The following CFAP299 variants were observed in gnomAD, a reference collection of about 807,000 sequenced individuals.
CFAP299 encodes the protein cilia and flagella associated protein 299.
Under a neutral mutation model 27.0 loss-of-function variants are expected in CFAP299, and 21 were observed. The observed-to-expected ratio is 0.78, with a 90% CI of 0.55 to 1.12. CFAP299 has a LOEUF of 1.12. Ranked by LOEUF, CFAP299 falls within the 50% of genes most tolerant of loss-of-function variation. CFAP299 has a pLI of 0.00. For synonymous variants in CFAP299, 104 were observed against 98.1 expected, an observed-to-expected ratio of 1.06 and a Z score of -0.36; for missense variants, 310 against 276.6, an observed-to-expected ratio of 1.12 and a Z score of -0.86.
upstream of CFAP299, among the ~76,000 whole-genome samples, chr4:80,333,717 C>G (rs542453871): frequency 4.6e-5 from 7 of 152,158 alleles, no homozygotes; most frequent in African/African-American, 1.7e-4. Flanking sequence ...TATACTAATC[C>G]TTCTTTGTCC....
intron 2 of CFAP299, among the ~76,000 whole-genome samples, chr4:80,478,420 A>G (rs28463662): frequency 0.2 from 31,116 of 152,092 alleles, 3,338 homozygotes; most frequent in South Asian, 0.29. Flanking sequence ...AAATTTAAAA[A>G]TTCTTTTTTG....
chr4:80,682,929 A>C (rs1428756673), intron 3 of CFAP299, among the ~76,000 whole-genome samples: 3 of 152,096 alleles, frequency 2.0e-5, no homozygotes, highest in African/African-American at 4.8e-5. Context: ...CAAGCACGGA[A>C]CCCTGAGGTC....
chr4:80,545,124 A>T (rs1734164880), intron 2 of CFAP299, among the ~76,000 whole-genome samples: 1 of 152,216 alleles, frequency 6.6e-6, no homozygotes, highest in South Asian at 2.1e-4. Context: ...AAGAAAATTA[A>T]CACAGAAATC....
At chr4:80,885,429 C>T (rs1433923792) in intron 4 of CFAP299, among the ~76,000 whole-genome samples, 2 of 152,168 alleles carry the variant, frequency 1.3e-5, no homozygotes, top group African/African-American at 4.8e-5. Flanking sequence ...TATCCTAATC[C>T]TGGGCAGTGC....
chr4:80,619,991 A>T (rs950324875), intron 3 of CFAP299, among the ~76,000 whole-genome samples: 1 of 152,134 alleles, frequency 6.6e-6, no homozygotes, highest in African/African-American at 2.4e-5. Flanking sequence ...ATCAATAATC[A>T]TAAGCATTGA....
At chr4:80,714,788 G>A (rs1722381598) in intron 3 of CFAP299, among the ~76,000 whole-genome samples, 1 of 152,012 alleles carries the variant, frequency 6.6e-6, no homozygotes, top group African/African-American at 2.4e-5. Flanking sequence ...GAAAAGAGAT[G>A]GAGTTTTGAG....
chr4:80,364,087 A>AG, intron 2 of CFAP299, among the ~76,000 whole-genome samples: 1 of 1,444 alleles, frequency 6.9e-4, no homozygotes, highest in Admixed American at 6.5e-3. Context: ...ACTCCGTCTC[A>AG]AAACACACAC....
intron 4 of CFAP299, among the ~76,000 whole-genome samples, chr4:80,891,830 G>GAAAAA (rs35425830): frequency 1.7e-4 from 9 of 53,990 alleles, no homozygotes; most frequent in East Asian, 1.1e-3. Context: ...TAGATTAAAG[G>GAAAAA]AAAAAAAAAA....
rs369674893 is a variant in CFAP299 at position 80,541,742 on chromosome 4, G to A, written c.243-41351G>A. On this transcript the variant is annotated intron_variant, in intron 2 of 5. Coordinates refer to ENST00000358105, the MANE Select transcript of CFAP299 (RefSeq NM_152770.3). ...GCTCTCACTAGATTCAGCTTAGTGA[G>A]GAGAATAGACATTTAATAATTAAAC... Among the ~76,000 whole-genome samples, 10 of 152,238 alleles carry A rather than the reference G, an allele frequency of 6.6e-5. 1 individual carries two copies. Among genetic ancestry groups the A allele is most frequent in the African/African-American group, 2.4e-4 (10 of 41,542 alleles).
intron 3 of CFAP299, among the ~76,000 whole-genome samples, chr4:80,665,615 A>T (rs760596313): frequency 6.6e-6 from 1 of 152,156 alleles, no homozygotes; most frequent in East Asian, 1.9e-4. Flanking sequence ...CTAACTTGAG[A>T]TATTTTCATA....
At chr4:80,418,684 T>G (rs1359381829) in intron 2 of CFAP299, among the ~76,000 whole-genome samples, 3 of 152,036 alleles carry the variant, frequency 2.0e-5, no homozygotes, top group African/African-American at 7.2e-5. Flanking sequence ...AGCACCATTC[T>G]ACTCTCTGCT....
At chr4:80,638,960 A>C (rs984594520) in intron 3 of CFAP299, among the ~76,000 whole-genome samples, 3 of 152,140 alleles carry the variant, frequency 2.0e-5, no homozygotes, top group African/African-American at 7.2e-5. Flanking sequence ...TAGCTTTCAG[A>C]CTGCCACCTT....
intron 3 of CFAP299, 129 bp downstream of exon 3, chr4:80,583,312 T>A: frequency 2.1e-6 from 1 of 478,148 alleles, no homozygotes; most frequent in Non-Finnish European, 3.6e-6. Context: ...CTTTATTAAT[T>A]ATATATTATA....
At chr4:80,370,914 C>T (rs1724113888) in intron 2 of CFAP299, among the ~76,000 whole-genome samples, 1 of 152,258 alleles carries the variant, frequency 6.6e-6, no homozygotes, top group Admixed American at 6.5e-5. Context: ...AGTGGGGCCT[C>T]TGTGTGAGAG....
At chr4:80,389,357 C>T (rs529442718) in intron 2 of CFAP299, among the ~76,000 whole-genome samples, 160 of 152,150 alleles carry the variant, frequency 1.1e-3, no homozygotes, top group African/African-American at 3.5e-3. Context: ...TTAGTCTTTC[C>T]GAAGTCCCAT....
At chr4:80,810,026 T>A (rs767994450) in intron 3 of CFAP299, among the ~76,000 whole-genome samples, 3 of 152,066 alleles carry the variant, frequency 2.0e-5, no homozygotes, top group African/African-American at 7.2e-5. Flanking sequence ...TAATAATATA[T>A]GTAAAACACT....
chr4:80,892,235 G>T (rs369796911), intron 4 of CFAP299, among the ~76,000 whole-genome samples: 1 of 152,032 alleles, frequency 6.6e-6, no homozygotes, highest in Non-Finnish European at 1.5e-5. Flanking sequence ...TTCCACCGTG[G>T]TGCCAAAAAC....
rs16998370 is a variant in CFAP299 at position 80,902,657 on chromosome 4, T to C, written c.476+32522T>C. ...TGACTCCCTAGTTGGGGCTATAGTA[T>C]ATCATCAACCTTTGGTAAAGAAGAG... On this transcript the variant is annotated intron_variant, in intron 4 of 5. Coordinates refer to ENST00000358105, the MANE Select transcript of CFAP299 (RefSeq NM_152770.3). Among the ~76,000 whole-genome samples the C allele has an allele frequency of 3.6e-3, 530 of 148,380 alleles. 2 individuals are homozygous for C. Among genetic ancestry groups the C allele is most frequent in the African/African-American group, 0.012 (498 of 40,684 alleles).
chr4:80,568,793 G>A (rs1361823888), intron 2 of CFAP299, among the ~76,000 whole-genome samples: 1 of 152,056 alleles, frequency 6.6e-6, no homozygotes, highest in Non-Finnish European at 1.5e-5. Context: ...GGGGGAAGAA[G>A]GACCTTTTAG....
Sources: allele counts gnomAD v4.1 joint callset (sites outside exome capture counted in the v4.1 genomes callset), GRCh38; gene constraint gnomAD v4.1.1; transcripts MANE v1.5; gene names NCBI Gene and HGNC (gene_info 2026-07-23, HGNC 2026-07-21).